SLC39A10: variants seen among roughly 807,000 people sequenced by gnomAD.
SLC39A10 encodes the protein zinc transporter ZIP10.
SLC39A10 carries 13 observed loss-of-function variants against 65.1 expected under a neutral mutation model. That is an observed-to-expected ratio of 0.20 (90% CI 0.13 to 0.32). The LOEUF is 0.32. Among genes scored for constraint, SLC39A10 ranks in the 10% least tolerant of loss-of-function variants. The pLI, the probability that SLC39A10 is intolerant of heterozygous loss-of-function variation, is 1.00. For synonymous variants in SLC39A10, 321 were observed against 342.2 expected (o/e 0.94, Z 0.68); for missense variants, 831 against 1,018.4 (o/e 0.82, Z 2.50).
rs1434347680 is a variant in SLC39A10, at chr2:195,735,890, C to A, written c.*849C>A. ...AAAATTGTAACCCTCTAGAAAATAT[C>A]AAAGAAATGAACCAGACGTGGTTTA... On this transcript the variant is annotated 3_prime_UTR_variant, in exon 10 of 10. Transcript: ENST00000359634. 1.4e-5 allele frequency: 2 copies of A among 143,370 alleles called. No individual in the cohort carries two copies. The highest frequency in any genetic ancestry group is 3.0e-5 in the Non-Finnish European group (2 of 66,688). The allele number at this position is 143,370 out of a possible 1,614,324, so 8.9% of individuals were successfully genotyped here. A position where few individuals can be genotyped will look rare whatever the true frequency, so the allele number is the denominator to read the frequency against.
At chr2:195,642,741 C>T (rs747864452) in intron 2 of SLC39A10, among the ~76,000 whole-genome samples, 1 of 152,110 alleles carries the variant, frequency 6.6e-6, no homozygotes, top group Non-Finnish European at 1.5e-5. Context: ...CTAGAAATTG[C>T]GTTTTTAATA....
upstream of SLC39A10, chr2:195,656,906 C>G (rs551490887): frequency 2.0e-5 from 3 of 152,280 alleles, no homozygotes; most frequent in African/African-American, 2.4e-5. Context: ...CGCCCCAACT[C>G]CCCCGCGGCG....
intron 2 of SLC39A10, among the ~76,000 whole-genome samples, chr2:195,620,026 G>A (rs578220351): frequency 1.3e-5 from 2 of 152,256 alleles, no homozygotes; most frequent in East Asian, 1.9e-4. Flanking sequence ...GGGCTCAAGC[G>A]ATTCTCTTAC....
chr2:195,683,249 A>G (rs986729345), intron 2 of SLC39A10, among the ~76,000 whole-genome samples: 2 of 151,758 alleles, frequency 1.3e-5, no homozygotes, highest in Admixed American at 1.3e-4. Context: ...TTGGGCTAGA[A>G]TTTTCCAAAA....
intron 1 of SLC39A10, among the ~76,000 whole-genome samples, chr2:195,677,649 A>G (rs1690145492): frequency 6.6e-6 from 1 of 151,792 alleles, no homozygotes; most frequent in African/African-American, 2.4e-5. Context: ...TGTGAAATTC[A>G]TCTATGCATG....
intron 3 of SLC39A10, among the ~76,000 whole-genome samples, chr2:195,695,469 G>A (rs1381449194): frequency 6.6e-6 from 1 of 152,172 alleles, no homozygotes; most frequent in East Asian, 1.9e-4. Context: ...CCCCGGAGAA[G>A]CACCGAGTCT....
chr2:195,657,399 T>A (rs1315837432), intron 1 of SLC39A10, 118 bp downstream of exon 1: 1 of 984,774 alleles, frequency 1.0e-6, no homozygotes, highest in Non-Finnish European at 1.2e-6. Context: ...AACCGGGGAG[T>A]CGGGGCTGGT....
chr2:195,652,169 A>G (rs1262260855), upstream of SLC39A10, among the ~76,000 whole-genome samples: 1 of 152,200 alleles, frequency 6.6e-6, no homozygotes, highest in African/African-American at 2.4e-5. Flanking sequence ...GAAATAGTTT[A>G]TCTACAGACC....
chr2:195,692,834 T>G (rs1385255941), intron 3 of SLC39A10, among the ~76,000 whole-genome samples: 4 of 152,158 alleles, frequency 2.6e-5, no homozygotes, highest in Admixed American at 6.5e-5. Flanking sequence ...TTCCCTTCTC[T>G]GATTGCTCTG....
At chr2:195,625,845 C>T (rs1368701118) in intron 2 of SLC39A10, among the ~76,000 whole-genome samples, 5 of 152,194 alleles carry the variant, frequency 3.3e-5, no homozygotes, top group African/African-American at 1.2e-4. Context: ...CTCGCTCTGT[C>T]ACCTGGGCAG....
At chr2:195,683,663 A>C in intron 2 of SLC39A10, 36 bp from the exon 3 acceptor site, 5 of 1,517,186 alleles carry the variant, frequency 3.3e-6, no homozygotes, top group Non-Finnish European at 4.5e-6. Context: ...CCTTAAAGAC[A>C]CTCTTATTTA....
chr2:195,668,069 C>T (rs1164304198), intron 1 of SLC39A10, among the ~76,000 whole-genome samples: 1 of 152,168 alleles, frequency 6.6e-6, no homozygotes, highest in Non-Finnish European at 1.5e-5. Context: ...AGTCAGATCT[C>T]TAACATCTTT....
At chr2:195,629,392 C>CAA (rs60548307) in intron 2 of SLC39A10, among the ~76,000 whole-genome samples, 254 of 79,778 alleles carry the variant, frequency 3.2e-3, no homozygotes, top group African/African-American at 0.01. Context: ...AGATTCCTTT[C>CAA]AAAAAAAAAA....
chr2:195,733,146 A>G (rs986850869), intron 9 of SLC39A10, among the ~76,000 whole-genome samples: 1 of 152,198 alleles, frequency 6.6e-6, no homozygotes, highest in African/African-American at 2.4e-5. Context: ...CTTCCTAGAC[A>G]GGAAGAAGTA....
At chr2:195,656,903 A>G (rs1689161364), upstream of SLC39A10, 1 of 152,188 alleles carries the variant, frequency 6.6e-6, no homozygotes, top group African/African-American at 2.4e-5. Flanking sequence ...AGCCGCCCCA[A>G]CTCCCCCGCG....
chr2:195,723,167 T>C (rs1331522053), intron 8 of SLC39A10, among the ~76,000 whole-genome samples: 2 of 152,182 alleles, frequency 1.3e-5, no homozygotes, highest in Non-Finnish European at 2.9e-5. Flanking sequence ...TTGAAAGCAT[T>C]TGAGGAAATA....
chr2:195,667,820 G>A (rs565875378), intron 1 of SLC39A10, among the ~76,000 whole-genome samples: 1 of 152,148 alleles, frequency 6.6e-6, no homozygotes, highest in African/African-American at 2.4e-5. Flanking sequence ...ATGGATATAC[G>A]AGAAGTAGGG....
intron 1 of SLC39A10, among the ~76,000 whole-genome samples, chr2:195,673,531 A>G (rs897938307): frequency 2.0e-5 from 3 of 152,232 alleles, no homozygotes; most frequent in African/African-American, 7.2e-5. Context: ...AATGTTGTCT[A>G]GCTTGCATCA....
chr2:195,701,564 T>TC (rs1216539609), intron 3 of SLC39A10, among the ~76,000 whole-genome samples: 2 of 151,484 alleles, frequency 1.3e-5, no homozygotes, highest in African/African-American at 4.9e-5. Flanking sequence ...TTCTTCTCCT[T>TC]CCCCAGGGTT....
Sources: allele counts gnomAD v4.1 joint callset (sites outside exome capture counted in the v4.1 genomes callset), GRCh38; gene constraint gnomAD v4.1.1; transcripts MANE v1.5; gene names NCBI Gene and HGNC (gene_info 2026-07-23, HGNC 2026-07-21).